Variants in CDH18 observed in about 807,000 individuals in gnomAD.
CDH18 encodes the protein cadherin-18.
In CDH18, 31 loss-of-function variants were observed where a neutral mutation model predicts 67.9. That is an observed-to-expected ratio of 0.46 (90% CI 0.34 to 0.62). The LOEUF (loss-of-function observed/expected upper bound fraction) is 0.62, where lower values mean the gene tolerates loss of function less well. Among genes scored for constraint, CDH18 ranks in the 20% least tolerant of loss-of-function variants. CDH18 has a pLI of 0.01. For synonymous variants in CDH18, 362 were observed against 347.2 expected (o/e 1.04, Z -0.48); for missense variants, 890 against 975.5 (o/e 0.91, Z 1.17).
At chr5:20,128,840 T>C (rs567634414) in intron 2 of CDH18, among the ~76,000 whole-genome samples, 174 of 152,136 alleles carry the variant, frequency 1.1e-3, no homozygotes, top group Non-Finnish European at 1.8e-3. Flanking sequence ...ACACAGCAGT[T>C]TTTTTCCCCT....
At position 20,173,800 on chromosome 5, in the gene CDH18, G is replaced by T. The variant is rs1198271056; in HGVS notation, c.-518+81644C>A. On this transcript the variant is annotated intron_variant, in intron 2 of 14. Coordinates refer to the CDH18 transcript ENST00000507958. ...ACATTTTATTCACTAAGACAAATAG[G>T]GTTATAGATAGAATATTTTCATTCA... 2.0e-5 allele frequency among the ~76,000 whole-genome samples: 3 copies of T among 151,910 alleles called. No individual in the cohort carries two copies. The East Asian group carries it at 5.8e-4, about 29-fold the overall frequency.
chr5:20,404,335 G>A (rs1015580511), intron 1 of CDH18, among the ~76,000 whole-genome samples: 1 of 152,008 alleles, frequency 6.6e-6, no homozygotes, highest in African/African-American at 2.4e-5. Flanking sequence ...TCCACAACCT[G>A]GCTTACTCTT....
intron 2 of CDH18, among the ~76,000 whole-genome samples, chr5:19,884,713 T>C (rs554623906): frequency 6.6e-6 from 1 of 152,154 alleles, no homozygotes; most frequent in South Asian, 2.1e-4. Flanking sequence ...AGTATTGGTG[T>C]GAATCATCTT....
intron 2 of CDH18, among the ~76,000 whole-genome samples, chr5:19,887,696 T>C (rs1788363092): frequency 6.6e-6 from 1 of 151,690 alleles, no homozygotes; most frequent in Non-Finnish European, 1.5e-5. Context: ...AGCCTCCCAA[T>C]GTGGCTGTGA....
chr5:19,720,763 T>A (rs1412376059), intron 5 of CDH18, among the ~76,000 whole-genome samples: 1 of 152,168 alleles, frequency 6.6e-6, no homozygotes, highest in Non-Finnish European at 1.5e-5. Flanking sequence ...CCTGAAAAAA[T>A]ATTTATGTCT....
chr5:19,579,704 T>A (rs913848429), intron 7 of CDH18, among the ~76,000 whole-genome samples: 6 of 151,844 alleles, frequency 4.0e-5, no homozygotes, highest in Non-Finnish European at 5.9e-5. Context: ...AAATTTTTTT[T>A]AAACTTACAA....
chr5:19,628,353 C>A (rs1751871882), intron 5 of CDH18, among the ~76,000 whole-genome samples: 3 of 152,018 alleles, frequency 2.0e-5, no homozygotes, highest in Non-Finnish European at 4.4e-5. Flanking sequence ...TGAAAACAGA[C>A]TAATACAAGT....
At chr5:20,063,711 T>C (rs1742708985) in intron 2 of CDH18, among the ~76,000 whole-genome samples, 2 of 152,172 alleles carry the variant, frequency 1.3e-5, no homozygotes, top group Admixed American at 6.6e-5. Context: ...GGCCATACAC[T>C]AAACAAGACA....
chr5:20,197,307 A>T (rs138838475), intron 2 of CDH18, among the ~76,000 whole-genome samples: 1 of 152,142 alleles, frequency 6.6e-6, no homozygotes, highest in African/African-American at 2.4e-5. Flanking sequence ...CACCATGCAG[A>T]GCCTCTCATT....
rs181672662 is a variant in CDH18, at chr5:20,438,874, C to T, written c.-580+136588G>A. 1.5e-3 allele frequency among the ~76,000 whole-genome samples: 224 copies of T among 151,370 alleles called. 1 individual carries two copies. Among genetic ancestry groups the T allele is most frequent in the Non-Finnish European group, 2.6e-3 (173 of 67,736 alleles). On this transcript the variant is annotated intron_variant, in intron 1 of 14. Transcript: ENST00000507958. ...TAGACCTCCACTATGTTAGGAGATA[C>T]GAGTGTAGAAACACTGAAAAATGAG... is the stretch of plus-strand genomic sequence containing the variant.
At chr5:19,684,982 A>T (rs1760873486) in intron 5 of CDH18, among the ~76,000 whole-genome samples, 1 of 152,106 alleles carries the variant, frequency 6.6e-6, no homozygotes. Flanking sequence ...GGAATATTGT[A>T]GGGATAAATT....
intron 2 of CDH18, among the ~76,000 whole-genome samples, chr5:19,920,568 C>T (rs1407903522): frequency 7.4e-6 from 1 of 134,908 alleles, no homozygotes; most frequent in African/African-American, 2.8e-5. Context: ...GTCTGGAGTA[C>T]AATGGCACGA....
intron 10 of CDH18, among the ~76,000 whole-genome samples, chr5:19,505,712 C>T (rs536183886): frequency 0.011 from 1,687 of 152,092 alleles, 18 homozygotes; most frequent in South Asian, 0.031. Flanking sequence ...CTGCTGGATT[C>T]GGTTTGCCAG....
At chr5:20,403,949 C>G (rs1357988868) in intron 1 of CDH18, among the ~76,000 whole-genome samples, 1 of 152,150 alleles carries the variant, frequency 6.6e-6, no homozygotes, top group African/African-American at 2.4e-5. Flanking sequence ...TTTGTGTAAC[C>G]ATTTTCATCA....
At chr5:19,824,714 C>T (rs910985616) in intron 3 of CDH18, among the ~76,000 whole-genome samples, 6 of 152,104 alleles carry the variant, frequency 3.9e-5, no homozygotes, top group African/African-American at 1.2e-4. Flanking sequence ...CCCAGCAGTC[C>T]CACTTCTGTG....
chr5:20,302,231 T>C (rs1735999968), intron 1 of CDH18, among the ~76,000 whole-genome samples: 1 of 152,198 alleles, frequency 6.6e-6, no homozygotes, highest in South Asian at 2.1e-4. Context: ...GAAGCACGTG[T>C]GGCTAAGTTG....
At chr5:20,148,318 C>T (rs953821307) in intron 2 of CDH18, among the ~76,000 whole-genome samples, 11 of 152,032 alleles carry the variant, frequency 7.2e-5, no homozygotes, top group African/African-American at 2.2e-4. Flanking sequence ...AGGATGGTCT[C>T]GATCTCCTGA....
chr5:19,526,743 AT>A (rs1305761774), intron 9 of CDH18, among the ~76,000 whole-genome samples: 1 of 152,052 alleles, frequency 6.6e-6, no homozygotes, highest in Non-Finnish European at 1.5e-5. Context: ...GATTATTCAT[AT>A]TCGAAAATTA....
At chr5:20,081,230 C>A (rs1303317178) in intron 2 of CDH18, among the ~76,000 whole-genome samples, 2 of 151,644 alleles carry the variant, frequency 1.3e-5, no homozygotes, top group Non-Finnish European at 2.9e-5. Flanking sequence ...CATTTAATAC[C>A]CTTAAAGTTT....
Sources: allele counts gnomAD v4.1 joint callset (sites outside exome capture counted in the v4.1 genomes callset), GRCh38; gene constraint gnomAD v4.1.1; transcripts MANE v1.5; gene names NCBI Gene and HGNC (gene_info 2026-07-23, HGNC 2026-07-21).